LGSN: variants seen among roughly 807,000 people sequenced by gnomAD.
The protein encoded by LGSN is lengsin.
In LGSN, 21 loss-of-function variants were observed where a neutral mutation model predicts 19.5. The ratio of observed to expected loss-of-function variants is 1.07; its 90% CI spans 0.76 to 1.55. LGSN has a LOEUF of 1.55. Among genes scored for constraint, LGSN ranks in the 40% most tolerant of loss-of-function variants. The pLI, the probability that LGSN is intolerant of heterozygous loss-of-function variation, is 0.00. For synonymous variants in LGSN, 257 were observed against 215.6 expected, an observed-to-expected ratio of 1.19 and a Z score of -1.68; for missense variants, 673 against 608.5, an observed-to-expected ratio of 1.11 and a Z score of -1.12.
intron 1 of LGSN, among the ~76,000 whole-genome samples, chr6:63,310,821 T>G (rs1276082123): frequency 6.6e-6 from 1 of 152,162 alleles, no homozygotes; most frequent in Non-Finnish European, 1.5e-5. Context: ...ATCAAAATGC[T>G]CACAAAATTA....
the LGSN span, among the ~76,000 whole-genome samples, chr6:63,389,219 A>C: frequency 2.0e-5 from 3 of 152,214 alleles, no homozygotes; most frequent in African/African-American, 7.2e-5. Context: ...ATGATAAATA[A>C]TAGATCTATT....
At chr6:63,440,607 C>T in the LGSN span, among the ~76,000 whole-genome samples, 1 of 152,080 alleles carries the variant, frequency 6.6e-6, no homozygotes, top group African/African-American at 2.4e-5. Flanking sequence ...CCTAGATATC[C>T]ATTTGTCTAA....
chr6:63,369,256 T>C, the LGSN span, among the ~76,000 whole-genome samples: 1 of 152,212 alleles, frequency 6.6e-6, no homozygotes, highest in African/African-American at 2.4e-5. Flanking sequence ...TAAATAGATG[T>C]CCATTATGAC....
At chr6:63,378,474 T>C in the LGSN span, among the ~76,000 whole-genome samples, 1 of 152,164 alleles carries the variant, frequency 6.6e-6, no homozygotes, top group Non-Finnish European at 1.5e-5. Context: ...TGTCTTACTC[T>C]ATTTGTGTTG....
At chr6:63,349,627 C>T in the LGSN span, among the ~76,000 whole-genome samples, 9 of 152,296 alleles carry the variant, frequency 5.9e-5, no homozygotes, top group East Asian at 3.9e-4. Flanking sequence ...CCACCACGGG[C>T]TTTGAAGATG....
chr6:63,559,314 G>C, the LGSN span, among the ~76,000 whole-genome samples: 198 of 152,208 alleles, frequency 1.3e-3, 1 homozygote, highest in Non-Finnish European at 1.8e-3. Context: ...GTTATTTGGG[G>C]GAAGTGATAG....
the LGSN span, among the ~76,000 whole-genome samples, chr6:63,541,087 GAATA>G: frequency 6.6e-6 from 1 of 152,040 alleles, no homozygotes. Flanking sequence ...CTCACAGAAT[GAATA>G]GTGTGCCCTA....
At chr6:63,282,662 A>G (rs186098306) in intron 3 of LGSN, among the ~76,000 whole-genome samples, 230 of 152,286 alleles carry the variant, frequency 1.5e-3, no homozygotes, top group African/African-American at 5.2e-3. Context: ...ATCTCTACAC[A>G]TATTTTTGAA....
the LGSN span, among the ~76,000 whole-genome samples, chr6:63,353,867 T>A: frequency 1.3e-5 from 2 of 152,106 alleles, no homozygotes; most frequent in Admixed American, 6.6e-5. Flanking sequence ...ATTTTTTTTA[T>A]AAAGTTGCCA....
chr6:63,315,616 CTCTGTGTGTGTG>C (rs1241214604), intron 1 of LGSN, among the ~76,000 whole-genome samples: 2 of 114,694 alleles, frequency 1.7e-5, no homozygotes, highest in South Asian at 2.8e-4. Flanking sequence ...CTCTCTCTCT[CTCTGTGTGTGTG>C]TGTGTGTGTG....
the LGSN span, chr6:63,479,998 C>G: frequency 6.6e-6 from 1 of 152,348 alleles, no homozygotes; most frequent in African/African-American, 2.4e-5. Context: ...TAGTGGGGGC[C>G]TTTTCTCTAA....
the LGSN span, among the ~76,000 whole-genome samples, chr6:63,546,632 G>T: frequency 6.6e-6 from 1 of 152,232 alleles, no homozygotes; most frequent in East Asian, 1.9e-4. Context: ...CTCAAACCAG[G>T]GAGGCAGAGG....
At position 63,281,214 on chromosome 6, in the gene LGSN, C is replaced by T. The variant is rs1767298532; in HGVS notation, c.337G>A (p.Val113Met). Residue 113 changes from valine (V) to methionine (M), a missense_variant, in exon 4 of 4, where the codon GTG becomes ATG. Val to Met is a conservative substitution (Grantham distance 21, BLOSUM62 1). Coordinates refer to ENST00000370657, the MANE Select transcript of LGSN (RefSeq NM_016571.3). ...CGGGGCATGCAAACACCATGGCTCA[C>T]TTTCTCCTAAAGAAGGAAAAAAATG... ...TIPAHFFQEKVSHGVCMPRGY... is the reference protein window; with the variant it reads ...TIPAHFFQEKMSHGVCMPRGY... 1.3e-6 allele frequency: 2 copies of T among 1,521,402 alleles called. No homozygotes were observed. Among genetic ancestry groups the T allele is most frequent in the Non-Finnish European group, 1.8e-6 (2 of 1,132,088 alleles). 94.2% of individuals were successfully genotyped at this position (1,521,402 alleles called of 1,614,324 possible). A position where few individuals can be genotyped will look rare whatever the true frequency, so the allele number is the denominator to read the frequency against.
chr6:63,449,256 C>G, the LGSN span, among the ~76,000 whole-genome samples: 18 of 152,104 alleles, frequency 1.2e-4, no homozygotes, highest in African/African-American at 3.1e-4. Flanking sequence ...GGAGGAAAAG[C>G]ATAAAAGAAA....
At chr6:63,548,589 T>C in the LGSN span, 11 of 301,216 alleles carry the variant, frequency 3.7e-5, no homozygotes, top group Admixed American at 2.2e-4. Flanking sequence ...CCAGGGTACA[T>C]GGTAGAAATT....
chr6:63,365,190 C>T, the LGSN span, among the ~76,000 whole-genome samples: 1 of 151,924 alleles, frequency 6.6e-6, no homozygotes, highest in Non-Finnish European at 1.5e-5. Context: ...AGACCACTAG[C>T]AAGACTAATA....
At chr6:63,542,249 C>A in the LGSN span, among the ~76,000 whole-genome samples, 1 of 151,970 alleles carries the variant, frequency 6.6e-6, no homozygotes, top group Non-Finnish European at 1.5e-5. Context: ...AGGAATGACA[C>A]AATGGACTTT....
chr6:63,330,235 T>C, the LGSN span, among the ~76,000 whole-genome samples: 27 of 152,356 alleles, frequency 1.8e-4, no homozygotes, highest in East Asian at 9.6e-4. Context: ...ACACTGATAA[T>C]AAGCCCTACC....
At chr6:63,438,428 T>A in the LGSN span, among the ~76,000 whole-genome samples, 1 of 152,040 alleles carries the variant, frequency 6.6e-6, no homozygotes, top group African/African-American at 2.4e-5. Flanking sequence ...ACCTACAGAA[T>A]GGGAGAAAAT....
Sources: allele counts gnomAD v4.1 joint callset (sites outside exome capture counted in the v4.1 genomes callset), GRCh38; gene constraint gnomAD v4.1.1; transcripts MANE v1.5; gene names NCBI Gene and HGNC (gene_info 2026-07-23, HGNC 2026-07-21).